IL16: variants seen among roughly 807,000 people sequenced by gnomAD.
The protein encoded by IL16 is pro-interleukin-16.
IL16 carries 67 observed loss-of-function variants against 110.1 expected under a neutral mutation model. The ratio of observed to expected loss-of-function variants is 0.61; its 90% CI spans 0.50 to 0.75. The LOEUF is 0.75. IL16 is among the 30% of genes least tolerant of loss of function. The pLI, the probability that IL16 is intolerant of heterozygous loss-of-function variation, is 0.00. For synonymous variants in IL16, 689 were observed against 662.9 expected (o/e 1.04, Z -0.61); for missense variants, 1,545 against 1,655.0 (o/e 0.93, Z 1.15).
chr15:81,245,830 TGTC>T (rs1897525626), intron 2 of IL16, among the ~76,000 whole-genome samples: 2 of 149,742 alleles, frequency 1.3e-5, no homozygotes, highest in South Asian at 4.2e-4. Context: ...GAAGTCATCT[TGTC>T]ATTCCTTGGG....
chr15:81,269,726 A>T (rs1898551674), intron 5 of IL16, 78 bp downstream of exon 5: 1 of 1,045,490 alleles, frequency 9.6e-7, no homozygotes, highest in African/African-American at 1.6e-5. Flanking sequence ...CCAGGGAAGG[A>T]TGGGAATAGG....
intron 1 of IL16, among the ~76,000 whole-genome samples, chr15:81,204,756 A>G (rs1895950022): frequency 7.8e-6 from 1 of 128,852 alleles, no homozygotes; most frequent in African/African-American, 3.8e-5. Context: ...AATTAAAAAA[A>G]AAAAAGAAAA....
rs1301529473 is a variant in IL16 at position 81,225,507 on chromosome 15, C to G, written c.108C>G (p.Ser36Arg). The change falls in exon 2 of 19, where the codon AGC becomes AGG. Residue 36 changes from serine to arginine, a missense_variant. Transcript: ENST00000683961. ...CTAAGACCAGTGATGATGGCTCTAG[C>G]CCTGATGAGAAATATCCTGATCCCT... ...CNAKTSDDGS[S>R]PDEKYPDPFE... 1 of 1,614,090 alleles carries G rather than the reference C, an allele frequency of 6.2e-7. No homozygotes were observed. Among genetic ancestry groups the G allele is most frequent in the South Asian group, 1.1e-5 (1 of 91,078 alleles).
intron 1 of IL16, among the ~76,000 whole-genome samples, chr15:81,185,124 A>G (rs551731583): frequency 2.1e-4 from 32 of 152,152 alleles, no homozygotes; most frequent in African/African-American, 7.0e-4. Context: ...ATTCTGCTGC[A>G]CACCTTCCCC....
In IL16 at chr15:81,292,608, A is replaced by T; in HGVS notation, c.1473A>T (p.Glu491Asp). The change falls in exon 12 of 19, where the codon GAA becomes GAT. Residue 491 changes from glutamate (E) to aspartate (D), a missense_variant. Coordinates refer to ENST00000683961, the MANE Select transcript of IL16 (RefSeq NM_172217.5). ...ACGGGCGGCCCACCTTGGAGAAGGA[A>T]CGAGAGAAGAACTCAGCACCCCCGC... Reference protein sequence around the residue: ...SWHGRPTLEKEREKNSAPPHR... With the variant: ...SWHGRPTLEKDREKNSAPPHR... The T allele has an allele frequency of 6.2e-7, 1 of 1,607,236 alleles. No homozygotes were observed. Among genetic ancestry groups the T allele is most frequent in the Middle Eastern group, 1.7e-4 (1 of 6,036 alleles).
intron 2 of IL16, among the ~76,000 whole-genome samples, chr15:81,247,255 A>G (rs538447368): frequency 1.5e-3 from 232 of 151,584 alleles, no homozygotes; most frequent in African/African-American, 5.5e-3. Flanking sequence ...TGATTAGCCC[A>G]TTATTTTCAG....
Position 81,290,507 on chromosome 15 carries a change from T to C in IL16, c.1387T>C (p.Phe463Leu). The change falls in exon 11 of 19, where the codon TTT becomes CTT. Residue 463 changes from phenylalanine to leucine, a missense_variant. Phe to Leu is a conservative substitution (Grantham distance 22). Coordinates refer to ENST00000683961, the MANE Select transcript of IL16 (RefSeq NM_172217.5). ...AVAQAVENTK[F>L]GKERHQWSLE... is the part of the protein sequence containing the mutation. ...GGCCCAGGCTGTGGAAAACACCAAGTTTGGAAAGGAGAGGCATCAGTGGAG... is the reference window on the plus strand; with the variant it reads ...GGCCCAGGCTGTGGAAAACACCAAGCTTGGAAAGGAGAGGCATCAGTGGAG... 1.2e-6 allele frequency: 2 copies of C among 1,613,668 alleles called. No individual in the cohort carries two copies. The highest frequency in any genetic ancestry group is 8.5e-7 in the Non-Finnish European group (1 of 1,179,786).
Position 81,299,676 on chromosome 15 carries a change from C to T in IL16, c.2350C>T (p.Pro784Ser). The T allele has an allele frequency of 6.2e-7, 1 of 1,614,246 alleles. No individual in the cohort carries two copies. The highest frequency in any genetic ancestry group is 1.7e-5 in the Admixed American group (1 of 60,034). ...ADSSTVKKGP[P>S]VAPKPAWFRQ... ...CAGCAGCACTGTGAAGAAAGGTCCT[C>T]CTGTGGCTCCCAAGCCAGCCTGGTT... is the stretch of plus-strand genomic sequence containing the variant. The change falls in exon 14 of 19, where the codon CCT becomes TCT. Residue 784 changes from proline to serine, a missense_variant. This residue lies in a region of IL16 where 1,185 missense variants were observed against 1,238.8 expected (regional missense o/e 0.96). Transcript: ENST00000683961.
rs115944448 is a variant in IL16, at chr15:81,245,018, T to G, written c.313-14754T>G. 7.2e-3 allele frequency among the ~76,000 whole-genome samples: 1,096 copies of G among 152,334 alleles called. 19 individuals carry two copies. Among genetic ancestry groups the G allele is most frequent in the African/African-American group, 0.025 (1,022 of 41,580 alleles). On this transcript the variant is annotated intron_variant, in intron 2 of 18. Coordinates refer to ENST00000683961, the MANE Select transcript of IL16 (RefSeq NM_172217.5). ...AGGTTTCCACTTGATTCTTCATATC[T>G]TCTATTTATTTGTTGAAACTTTCTT...
chr15:81,203,616 A>G (rs1347647289), intron 1 of IL16, among the ~76,000 whole-genome samples: 1 of 152,084 alleles, frequency 6.6e-6, no homozygotes, highest in Non-Finnish European at 1.5e-5. Flanking sequence ...AGGTTTGTCA[A>G]AGATCAGATA....
chr15:81,204,576 A>C (rs936574894), intron 1 of IL16, among the ~76,000 whole-genome samples: 1 of 152,086 alleles, frequency 6.6e-6, no homozygotes, highest in Non-Finnish European at 1.5e-5. Flanking sequence ...ATCTATTGAG[A>C]TAATCATGTG....
At chr15:81,253,215 G>T (rs1250508369) in intron 2 of IL16, among the ~76,000 whole-genome samples, 2 of 152,072 alleles carry the variant, frequency 1.3e-5, no homozygotes, top group East Asian at 3.8e-4. Context: ...GCATTTCCTT[G>T]ATGGCTAATG....
intron 2 of IL16, among the ~76,000 whole-genome samples, chr15:81,250,789 A>G (rs4496093): frequency 0.055 from 8,303 of 152,260 alleles, 822 homozygotes; most frequent in African/African-American, 0.19. Context: ...CCTTCCATTC[A>G]GGGTCATTTC....
intron 5 of IL16, among the ~76,000 whole-genome samples, chr15:81,271,310 A>T (rs572415472): frequency 1.3e-5 from 2 of 151,124 alleles, no homozygotes; most frequent in Non-Finnish European, 3.0e-5. Context: ...TAAATAAATA[A>T]ATATATAAAA....
At chr15:81,228,354 T>C (rs1487661530) in intron 2 of IL16, among the ~76,000 whole-genome samples, 7 of 149,594 alleles carry the variant, frequency 4.7e-5, no homozygotes, top group African/African-American at 1.5e-4. Flanking sequence ...GGAGTCTCGC[T>C]CTGTTGCCCA....
chr15:81,208,054 T>C (rs989572646), intron 1 of IL16, among the ~76,000 whole-genome samples: 3 of 152,234 alleles, frequency 2.0e-5, no homozygotes, highest in African/African-American at 7.2e-5. Context: ...CTGTTGACTT[T>C]TTAATAACTG....
chr15:81,209,085 A>T (rs80019075), intron 1 of IL16, among the ~76,000 whole-genome samples: 1 of 152,168 alleles, frequency 6.6e-6, no homozygotes, highest in Non-Finnish European at 1.5e-5. Flanking sequence ...GGAATTGAGC[A>T]CTCAATGAAT....
intron 2 of IL16, among the ~76,000 whole-genome samples, chr15:81,243,164 T>TATATATA (rs60077602): frequency 3.8e-4 from 6 of 15,762 alleles, no homozygotes; most frequent in African/African-American, 1.9e-3. Context: ...TATATATATA[T>TATATATA]TTTTTTTTTT....
At chr15:81,264,936 T>G (rs187211847) in intron 3 of IL16, among the ~76,000 whole-genome samples, 6 of 152,182 alleles carry the variant, frequency 3.9e-5, no homozygotes, top group East Asian at 1.9e-4. Flanking sequence ...TACTAGAAAA[T>G]TTTTTAATTA....
Sources: allele counts gnomAD v4.1 joint callset (sites outside exome capture counted in the v4.1 genomes callset), GRCh38; gene constraint gnomAD v4.1.1; regional missense constraint gnomAD v4.1.1; transcripts MANE v1.5; gene names NCBI Gene and HGNC (gene_info 2026-07-23, HGNC 2026-07-21).